ARHGAP24: variants seen among roughly 807,000 people sequenced by gnomAD.
ARHGAP24 encodes the protein Rho GTPase activating protein 24.
Under a neutral mutation model 76.4 loss-of-function variants are expected in ARHGAP24, and 50 were observed. That is an observed-to-expected ratio of 0.65 (90% CI 0.52 to 0.83). The LOEUF is 0.83. Among genes scored for constraint, ARHGAP24 ranks in the 40% least tolerant of loss-of-function variants. ARHGAP24 has a pLI of 0.00. For synonymous variants in ARHGAP24, 345 were observed against 323.3 expected, an observed-to-expected ratio of 1.07 and a Z score of -0.72; for missense variants, 930 against 914.2, an observed-to-expected ratio of 1.02 and a Z score of -0.22.
chr4:85,619,675 C>A (rs1720651844), intron 2 of ARHGAP24, among the ~76,000 whole-genome samples: 2 of 151,866 alleles, frequency 1.3e-5, no homozygotes, highest in South Asian at 4.1e-4. Context: ...TATTTCACCT[C>A]CTTGGTTAAA....
intron 8 of ARHGAP24, among the ~76,000 whole-genome samples, chr4:85,983,459 A>G (rs918778675): frequency 6.6e-6 from 1 of 152,138 alleles, no homozygotes; most frequent in African/African-American, 2.4e-5. Flanking sequence ...CTTTTTAATA[A>G]TCACCATTCT....
chr4:85,967,218 G>A (rs1738673449), intron 5 of ARHGAP24, among the ~76,000 whole-genome samples: 1 of 152,102 alleles, frequency 6.6e-6, no homozygotes. Context: ...CAGAAACTCA[G>A]CAGTTAGAAT....
At chr4:85,894,286 A>C (rs1158243776) in intron 3 of ARHGAP24, among the ~76,000 whole-genome samples, 1 of 152,110 alleles carries the variant, frequency 6.6e-6, no homozygotes, top group African/African-American at 2.4e-5. Context: ...CCAAGCTTAC[A>C]GGAGCAAATA....
intron 1 of ARHGAP24, among the ~76,000 whole-genome samples, chr4:85,531,552 G>C (rs985812645): frequency 6.6e-6 from 1 of 151,950 alleles, no homozygotes; most frequent in African/African-American, 2.4e-5. Context: ...AATACCTACT[G>C]TTTTATTACT....
intron 8 of ARHGAP24, among the ~76,000 whole-genome samples, chr4:85,981,390 T>C (rs1739659880): frequency 6.6e-6 from 1 of 152,204 alleles, no homozygotes; most frequent in Non-Finnish European, 1.5e-5. Context: ...CTAAGCACAT[T>C]TCTGGTGAGA....
At chr4:85,894,095 A>AT (rs1248057694) in intron 3 of ARHGAP24, among the ~76,000 whole-genome samples, 1 of 39,874 alleles carries the variant, frequency 2.5e-5, no homozygotes, top group African/African-American at 7.3e-5. Context: ...AACTTAGAGT[A>AT]TAATAAAAAA....
At chr4:85,677,264 T>C (rs1285765420) in intron 2 of ARHGAP24, among the ~76,000 whole-genome samples, 1 of 152,222 alleles carries the variant, frequency 6.6e-6, no homozygotes, top group Non-Finnish European at 1.5e-5. Flanking sequence ...GTTATGTTTA[T>C]GTACAGAAAT....
chr4:85,774,030 C>T lies in ARHGAP24; in HGVS notation c.268+52058C>T, dbSNP rs890978337. ...GACACCAGTGCTCAGGCAAGAAATTCCCTCTCCCTGGTTGTCCTGGAAGGA... is the reference window on the plus strand; with the variant it reads ...GACACCAGTGCTCAGGCAAGAAATTTCCTCTCCCTGGTTGTCCTGGAAGGA... On this transcript the variant is annotated intron_variant, in intron 3 of 9. Transcript: ENST00000395184. 3.3e-4 allele frequency among the ~76,000 whole-genome samples: 50 copies of T among 152,164 alleles called. 1 individual carries two copies. Among genetic ancestry groups the T allele is most frequent in the Admixed American group, 3.0e-3 (46 of 15,264 alleles).
chr4:85,798,897 C>G, intron 3 of ARHGAP24, among the ~76,000 whole-genome samples: 1 of 152,094 alleles, frequency 6.6e-6, no homozygotes, highest in South Asian at 2.1e-4. Flanking sequence ...TGGGTGCTTA[C>G]ACTATTCTAA....
intron 3 of ARHGAP24, among the ~76,000 whole-genome samples, chr4:85,862,794 T>C (rs982127847): frequency 1.3e-5 from 2 of 152,110 alleles, no homozygotes; most frequent in African/African-American, 2.4e-5. Flanking sequence ...ATTTTCCTTA[T>C]TTCTCACGTT....
At chr4:85,967,452 G>C (rs1373435299) in intron 5 of ARHGAP24, among the ~76,000 whole-genome samples, 1 of 152,132 alleles carries the variant, frequency 6.6e-6, no homozygotes, top group Non-Finnish European at 1.5e-5. Context: ...ATAAAATTAA[G>C]TCAATCATAG....
At chr4:85,748,134 G>A (rs1560614034) in intron 3 of ARHGAP24, among the ~76,000 whole-genome samples, 1 of 152,236 alleles carries the variant, frequency 6.6e-6, no homozygotes, top group Non-Finnish European at 1.5e-5. Context: ...CCCTAACCTA[G>A]AGGAAAGACT....
At position 86,001,731 on chromosome 4, in the gene ARHGAP24, A is replaced by G; in HGVS notation, c.*1009A>G. ...TGGTATTACTGTTTCCCTCTGAGTG[A>G]AACTGCTAGAGTATATGTCACGTAG... is the stretch of plus-strand genomic sequence containing the variant. On this transcript the variant is annotated 3_prime_UTR_variant, in exon 10 of 10. Transcript: ENST00000395184. 1.0e-5 allele frequency: 3 copies of G among 288,164 alleles called. No individual in the cohort carries two copies. The highest frequency in any genetic ancestry group is 1.9e-5 in the Non-Finnish European group (3 of 156,834). The allele number at this position is 288,164 out of a possible 1,614,324, so 17.9% of individuals were successfully genotyped here.
chr4:85,952,690 T>G (rs1397630543), intron 5 of ARHGAP24, among the ~76,000 whole-genome samples: 1 of 152,214 alleles, frequency 6.6e-6, no homozygotes, highest in Non-Finnish European at 1.5e-5. Context: ...TACTTTTATA[T>G]AGGCATGACT....
chr4:85,778,840 G>T, intron 3 of ARHGAP24: 1 of 985,414 alleles, frequency 1.0e-6, no homozygotes, highest in Non-Finnish European at 1.2e-6. Context: ...TGTCCAAACA[G>T]CATTTTCCAG....
At chr4:85,572,676 T>A (rs1435153092) in intron 2 of ARHGAP24, among the ~76,000 whole-genome samples, 1 of 152,120 alleles carries the variant, frequency 6.6e-6, no homozygotes, top group Non-Finnish European at 1.5e-5. Context: ...TACTAGTATT[T>A]GTAGACTTAC....
intron 3 of ARHGAP24, among the ~76,000 whole-genome samples, chr4:85,901,339 A>T (rs1734477658): frequency 6.6e-6 from 1 of 152,180 alleles, no homozygotes; most frequent in African/African-American, 2.4e-5. Context: ...ATTTGTTTCT[A>T]GTTAGTATTC....
At chr4:85,887,297 T>C (rs369138559) in intron 3 of ARHGAP24, among the ~76,000 whole-genome samples, 1 of 152,162 alleles carries the variant, frequency 6.6e-6, no homozygotes, top group Admixed American at 6.5e-5. Flanking sequence ...AGTATTAAAA[T>C]ATATAATCCA....
chr4:85,731,475 A>C (rs1725407116), intron 3 of ARHGAP24, among the ~76,000 whole-genome samples: 1 of 152,210 alleles, frequency 6.6e-6, no homozygotes, highest in African/African-American at 2.4e-5. Context: ...ACAAGACTGC[A>C]GTTTTATCAT....
Sources: gnomAD v4.1 joint callset for allele counts (sites outside exome capture counted in the v4.1 genomes callset) on GRCh38, gnomAD v4.1.1 for gene constraint, MANE v1.5 for transcripts, NCBI Gene and HGNC (gene_info 2026-07-23, HGNC 2026-07-21) for gene names.